The following PID1 variants were observed in gnomAD, a reference collection of about 807,000 sequenced individuals.
The protein encoded by PID1 is phosphotyrosine interaction domain containing 1.
A neutral mutation model predicts 19.1 loss-of-function variants in PID1; 10 were observed. That is an observed-to-expected ratio of 0.52 (90% CI 0.32 to 0.89). PID1 has a LOEUF of 0.89. Among genes scored for constraint, PID1 ranks in the 40% least tolerant of loss-of-function variants. The pLI is 0.03. For missense variants in PID1, 248 were observed against 285.3 expected, an observed-to-expected ratio of 0.87 and a Z score of 0.94; for synonymous variants, 130 against 116.0, an observed-to-expected ratio of 1.12 and a Z score of -0.78.
chr2:229,208,854 T>C (rs2106247355), intron 1 of PID1, among the ~76,000 whole-genome samples: 1 of 152,286 alleles, frequency 6.6e-6, no homozygotes, highest in Admixed American at 6.5e-5. Flanking sequence ...TGCTCTGGTT[T>C]CCAATCCTGG....
chr2:229,237,124 A>G (rs1191850376), intron 1 of PID1, among the ~76,000 whole-genome samples: 1 of 152,146 alleles, frequency 6.6e-6, no homozygotes, highest in African/African-American at 2.4e-5. Flanking sequence ...TACATGATAG[A>G]TCATGAGTAA....
intron 1 of PID1, among the ~76,000 whole-genome samples, chr2:229,164,561 C>T (rs1008038689): frequency 2.0e-5 from 3 of 152,160 alleles, no homozygotes; most frequent in Non-Finnish European, 4.4e-5. Flanking sequence ...AATTAAAATG[C>T]TAACAATCAA....
intron 2 of PID1, among the ~76,000 whole-genome samples, chr2:229,151,975 G>A (rs1241811585): frequency 6.6e-6 from 1 of 152,202 alleles, no homozygotes; most frequent in African/African-American, 2.4e-5. Context: ...GGCAGCTCCT[G>A]CTGGAGGATA....
intron 2 of PID1, among the ~76,000 whole-genome samples, chr2:229,135,086 A>G (rs1047020495): frequency 1.3e-5 from 2 of 152,190 alleles, no homozygotes; most frequent in African/African-American, 4.8e-5. Context: ...GAGGAGGGAA[A>G]GATGTGAGAA....
intron 1 of PID1, among the ~76,000 whole-genome samples, chr2:229,240,091 A>C (rs1689834284): frequency 6.6e-6 from 1 of 152,186 alleles, no homozygotes; most frequent in Non-Finnish European, 1.5e-5. Context: ...TATTAGAAGA[A>C]AGAAAAGTCA....
intron 1 of PID1, among the ~76,000 whole-genome samples, chr2:229,203,320 CA>C (rs1396482070): frequency 1.3e-5 from 2 of 151,950 alleles, no homozygotes; most frequent in Non-Finnish European, 2.9e-5. Flanking sequence ...ATCCTTAAGC[CA>C]AAATATATTA....
chr2:229,040,963 A>G (rs938713540), intron 2 of PID1, among the ~76,000 whole-genome samples: 3 of 152,344 alleles, frequency 2.0e-5, no homozygotes, highest in East Asian at 1.9e-4. Flanking sequence ...CTGGGACATT[A>G]GAGTGGAACT....
intron 2 of PID1, among the ~76,000 whole-genome samples, chr2:229,035,804 G>C (rs1693651511): frequency 6.6e-6 from 1 of 152,130 alleles, no homozygotes; most frequent in Non-Finnish European, 1.5e-5. Context: ...GGCCTAGTCA[G>C]GGACAGCAAA....
At chr2:229,142,280 T>G (rs939364610) in intron 2 of PID1, among the ~76,000 whole-genome samples, 2 of 152,092 alleles carry the variant, frequency 1.3e-5, no homozygotes, top group Non-Finnish European at 2.9e-5. Context: ...TAAATAAAGA[T>G]ACAAGAAAGG....
At chr2:229,180,755 T>A (rs937732066) in intron 1 of PID1, among the ~76,000 whole-genome samples, 2 of 152,232 alleles carry the variant, frequency 1.3e-5, no homozygotes, top group Non-Finnish European at 2.9e-5. Context: ...CGTCTTCGTA[T>A]GCCATCAACT....
At chr2:229,142,014 A>C (rs1474062395) in intron 2 of PID1, among the ~76,000 whole-genome samples, 1 of 152,022 alleles carries the variant, frequency 6.6e-6, no homozygotes, top group East Asian at 1.9e-4. Context: ...TGAAAAAAAA[A>C]ATCCCCCTTC....
chr2:229,227,591 C>T lies in PID1; in HGVS notation c.30+43423G>A, dbSNP rs369589583. Reference sequence around the variant, plus strand: ...AAGCTTGCTACAGAACTCTGGCAAGCCCACCATCAAACAGGTGCAGATAGA... The same window carrying T: ...AAGCTTGCTACAGAACTCTGGCAAGTCCACCATCAAACAGGTGCAGATAGA... On this transcript the variant is annotated intron_variant, in intron 1 of 2. Coordinates refer to ENST00000392055, the MANE Select transcript of PID1 (RefSeq NM_001100818.2). Among the ~76,000 whole-genome samples, 6 of 152,148 alleles carry T rather than the reference C, an allele frequency of 3.9e-5. No homozygotes were observed. In the East Asian group the frequency reaches 5.8e-4, roughly 15 times the overall value.
At chr2:229,109,020 G>T (rs1462433285) in intron 2 of PID1, among the ~76,000 whole-genome samples, 1 of 152,108 alleles carries the variant, frequency 6.6e-6, no homozygotes, top group Admixed American at 6.6e-5. Context: ...AGATATTTGG[G>T]TCATATCACA....
chr2:229,081,977 C>A (rs905527808), intron 2 of PID1, among the ~76,000 whole-genome samples: 8 of 151,830 alleles, frequency 5.3e-5, no homozygotes, highest in Non-Finnish European at 1.2e-4. Flanking sequence ...TTAGTCTCAG[C>A]AACACTTAAG....
At chr2:229,163,648 A>T (rs5020855) in intron 1 of PID1, among the ~76,000 whole-genome samples, 27,497 of 132,124 alleles carry the variant, frequency 0.21, 3,088 homozygotes, top group Admixed American at 0.38. Flanking sequence ...GGAGAGAGAG[A>T]GAGTGTGTGT....
chr2:229,026,123 G>T lies in PID1; in HGVS notation c.178-15C>A. ...AGGTAGGTAACCTGCAGATGCAAGA[G>T]AGGAAGAAAAGGGAGGCATCAGCAG... On this transcript the variant is annotated splice_polypyrimidine_tract_variant and intron_variant, in intron 2 of 2. Coordinates refer to ENST00000392055, the MANE Select transcript of PID1 (RefSeq NM_001100818.2). 6.3e-7 allele frequency: 1 copy of T among 1,586,326 alleles called. No homozygotes were observed. The highest frequency in any genetic ancestry group is 8.6e-7 in the Non-Finnish European group (1 of 1,156,106).
At chr2:229,132,721 T>C (rs77504057) in intron 2 of PID1, among the ~76,000 whole-genome samples, 2,341 of 152,340 alleles carry the variant, frequency 0.015, 75 homozygotes, top group South Asian at 0.097. Flanking sequence ...AGATTCACCA[T>C]GGTAACAAAT....
At chr2:229,039,656 C>T (rs987422241) in intron 2 of PID1, among the ~76,000 whole-genome samples, 1 of 152,116 alleles carries the variant, frequency 6.6e-6, no homozygotes, top group African/African-American at 2.4e-5. Flanking sequence ...AATATCTACT[C>T]GTAGTATCAC....
intron 2 of PID1, among the ~76,000 whole-genome samples, chr2:229,094,703 AAAT>A (rs2106222423): frequency 6.6e-6 from 1 of 152,264 alleles, no homozygotes; most frequent in Non-Finnish European, 1.5e-5. Flanking sequence ...CCTATTCAAT[AAAT>A]GGTGATGGAA....
Sources: allele counts gnomAD v4.1 joint callset (sites outside exome capture counted in the v4.1 genomes callset), GRCh38; gene constraint gnomAD v4.1.1; transcripts MANE v1.5; gene names NCBI Gene and HGNC (gene_info 2026-07-23, HGNC 2026-07-21).